CYRIB: variants seen among roughly 807,000 people sequenced by gnomAD.
CYRIB encodes the protein CYFIP-related Rac1 interactor B.
In CYRIB, 8 loss-of-function variants were observed where a neutral mutation model predicts 44.2. That is an observed-to-expected ratio of 0.18 (90% CI 0.11 to 0.33). The LOEUF is 0.33. CYRIB is among the 10% of genes least tolerant of loss of function. CYRIB has a pLI of 1.00. For missense variants in CYRIB, 185 were observed against 382.8 expected, an observed-to-expected ratio of 0.48 and a Z score of 4.31; for synonymous variants, 131 against 127.2, an observed-to-expected ratio of 1.03 and a Z score of -0.20.
intron 2 of CYRIB, among the ~76,000 whole-genome samples, chr8:129,901,915 A>T (rs2072316764): frequency 1.3e-5 from 2 of 152,350 alleles, no homozygotes; most frequent in South Asian, 4.1e-4. Context: ...AGAAGCACAC[A>T]TATTACTTAT....
chr8:130,012,996 G>C (rs990346035), intron 1 of CYRIB, among the ~76,000 whole-genome samples: 2 of 152,272 alleles, frequency 1.3e-5, no homozygotes, highest in South Asian at 4.1e-4. Flanking sequence ...CTTTAGGGAA[G>C]AGAAAAAAAA....
Position 129,947,288 on chromosome 8 carries a change from G to A in CYRIB, c.-243+23655C>T, listed in dbSNP as rs2094213898. On this transcript the variant is annotated intron_variant, in intron 2 of 14. Transcript: ENST00000401979. ...TTGGCCAAGCTGGTCTCAAACTCCTGACTTCAAGTGATCCTCCTGCCTCGG... is the reference window on the plus strand; with the variant it reads ...TTGGCCAAGCTGGTCTCAAACTCCTAACTTCAAGTGATCCTCCTGCCTCGG... Among the ~76,000 whole-genome samples, 3 of 152,100 alleles carry A rather than the reference G, an allele frequency of 2.0e-5. No individual in the cohort carries two copies. The South Asian group carries it at 6.2e-4, about 32-fold the overall frequency.
chr8:130,010,076 A>G (rs1468893031), intron 1 of CYRIB, among the ~76,000 whole-genome samples: 1 of 151,992 alleles, frequency 6.6e-6, no homozygotes, highest in African/African-American at 2.4e-5. Flanking sequence ...TCCTTCCCCC[A>G]CCTTCTTATC....
At chr8:129,841,234 G>C (rs191877834) in exon 12 of CYRIB, 1 of 152,170 alleles carries the variant, frequency 6.6e-6, no homozygotes, top group Non-Finnish European at 1.5e-5. Flanking sequence ...CCATACAAGA[G>C]TAAATCAAGA....
intron 4 of CYRIB, among the ~76,000 whole-genome samples, chr8:129,870,527 C>A (rs929257541): frequency 1.3e-5 from 2 of 152,194 alleles, no homozygotes; most frequent in Admixed American, 1.3e-4. Flanking sequence ...CTTGATTCTG[C>A]CTTCACTAGT....
intron 2 of CYRIB, among the ~76,000 whole-genome samples, chr8:129,887,288 T>C (rs1486086328): frequency 1.3e-5 from 2 of 152,204 alleles, no homozygotes; most frequent in South Asian, 2.1e-4. Flanking sequence ...GTAGAAGCCA[T>C]AAGCCTTGGC....
chr8:130,016,412 A>C (rs1281690070), exon 1 of CYRIB: 2 of 149,368 alleles, frequency 1.3e-5, no homozygotes, highest in South Asian at 3.7e-4. Context: ...GCGGGAGCGC[A>C]GGAGCCTCGG....
chr8:129,934,669 G>A (rs970722331), intron 1 of CYRIB, among the ~76,000 whole-genome samples: 8 of 152,146 alleles, frequency 5.3e-5, no homozygotes, highest in African/African-American at 1.9e-4. Flanking sequence ...GAATTCTTAA[G>A]AGGACCCATT....
intron 1 of CYRIB, among the ~76,000 whole-genome samples, chr8:130,016,079 G>C (rs1315389449): frequency 1.3e-5 from 2 of 150,712 alleles, no homozygotes; most frequent in African/African-American, 4.8e-5. Flanking sequence ...GGGTGGACCC[G>C]GGCGGCGGCC....
intron 1 of CYRIB, among the ~76,000 whole-genome samples, chr8:129,920,000 CTTCTG>C (rs1315470498): frequency 6.6e-6 from 1 of 151,012 alleles, no homozygotes; most frequent in African/African-American, 2.4e-5. Flanking sequence ...TCTGTTTGCC[CTTCTG>C]TTATTTCTAT....
At chr8:129,901,030 CAAGGCTT>C (rs773662264) in intron 2 of CYRIB, among the ~76,000 whole-genome samples, 2 of 152,200 alleles carry the variant, frequency 1.3e-5, no homozygotes, top group Non-Finnish European at 2.9e-5. Flanking sequence ...AGGCACTCGC[CAAGGCTT>C]AACACTTATT....
At chr8:130,011,291 T>C (rs1175617328) in intron 1 of CYRIB, among the ~76,000 whole-genome samples, 23 of 145,254 alleles carry the variant, frequency 1.6e-4, no homozygotes, top group Middle Eastern at 4.2e-3. Context: ...GAGGCTGAGG[T>C]GGGTAGATCA....
At chr8:129,861,797 A>G (rs1043465045) in intron 5 of CYRIB, among the ~76,000 whole-genome samples, 1 of 152,150 alleles carries the variant, frequency 6.6e-6, no homozygotes, top group Non-Finnish European at 1.5e-5. Context: ...AAGCGTAACC[A>G]GTAAAAATTT....
Position 129,862,212 on chromosome 8 carries a change from C to T in CYRIB, c.301+17G>A, listed in dbSNP as rs754902911. 6.4e-7 allele frequency: 1 copy of T among 1,568,370 alleles called. No homozygotes were observed. The highest frequency in any genetic ancestry group is 8.8e-7 in the Non-Finnish European group (1 of 1,141,108). ...TTTTTCACTAGGGAAGTCACAATTA[C>T]AAAACTTTCAACTTACCTAACCTCT... On this transcript the variant is annotated intron_variant, in intron 5 of 11. Coordinates refer to ENST00000519824, the Ensembl canonical transcript of CYRIB.
intron 1 of CYRIB, among the ~76,000 whole-genome samples, chr8:129,998,995 G>A (rs567373798): frequency 1.3e-5 from 2 of 152,206 alleles, no homozygotes; most frequent in South Asian, 2.1e-4. Context: ...ATTCAGCGCC[G>A]ACAATCCTCA....
At chr8:129,997,817 G>C (rs905803025) in intron 1 of CYRIB, among the ~76,000 whole-genome samples, 1 of 152,014 alleles carries the variant, frequency 6.6e-6, no homozygotes, top group African/African-American at 2.4e-5. Flanking sequence ...AATTACAAGA[G>C]GCACCTAAAG....
intron 1 of CYRIB, among the ~76,000 whole-genome samples, chr8:129,910,477 C>CTTTT (rs1171288097): frequency 2.7e-5 from 3 of 110,652 alleles, no homozygotes; most frequent in African/African-American, 6.8e-5. Context: ...CCTTCTTTCA[C>CTTTT]TTTTTTTTTT....
chr8:129,949,047 C>A (rs2094351409), intron 2 of CYRIB: 1 of 151,938 alleles, frequency 6.6e-6, no homozygotes, highest in Admixed American at 6.6e-5. Flanking sequence ...TGCACTCTGG[C>A]CTGGGCGACA....
intron 2 of CYRIB, among the ~76,000 whole-genome samples, chr8:129,960,558 G>C (rs143675915): frequency 6.7e-6 from 1 of 148,182 alleles, no homozygotes; most frequent in African/African-American, 2.5e-5. Flanking sequence ...AGCCAAGATC[G>C]ATCGCTTAAA....
Sources: gnomAD v4.1 joint callset for allele counts (sites outside exome capture counted in the v4.1 genomes callset) on GRCh38, gnomAD v4.1.1 for gene constraint, MANE v1.5 for transcripts, NCBI Gene and HGNC (gene_info 2026-07-23, HGNC 2026-07-21) for gene names.